Variants in COL6A2 observed in about 807,000 individuals in gnomAD.
COL6A2 encodes the protein collagen alpha-2(VI) chain.
A neutral mutation model predicts 124.9 loss-of-function variants in COL6A2; 90 were observed. The ratio of observed to expected loss-of-function variants is 0.72; its 90% confidence interval spans 0.61 to 0.86. The LOEUF (loss-of-function observed/expected upper bound fraction) is 0.86. Ranked by LOEUF, COL6A2 falls within the 40% of genes least tolerant of loss-of-function variation. COL6A2 has a pLI of 0.00. For missense variants in COL6A2, 1,607 were observed against 1,502.5 expected, an observed-to-expected ratio of 1.07 and a Z score of -1.15; for synonymous variants, 793 against 618.2, an observed-to-expected ratio of 1.28 and a Z score of -4.19.
chr21:46,100,790 C>G (rs115473286), intron 1 of COL6A2, among the ~76,000 whole-genome samples: 192 of 152,336 alleles, frequency 1.3e-3, no homozygotes, highest in African/African-American at 4.4e-3. Flanking sequence ...ATTTTGTTTA[C>G]CCATTCGTCT....
rs535016961 is a variant in COL6A2, at chr21:46,124,792, C to T, written c.1734+79C>T. On this transcript the variant is annotated intron_variant, in intron 22 of 27. Coordinates refer to ENST00000300527, the MANE Select transcript of COL6A2 (RefSeq NM_001849.4). ...CACCCAAGCCTCGTGGTTCTGCCCA[C>T]GGTGGACCCACGTATCAGTGGGCAG... 5.1e-5 allele frequency: 82 copies of T among 1,598,170 alleles called. 1 individual carries two copies. Among genetic ancestry groups the T allele is most frequent in the African/African-American group, 1.3e-4 (10 of 74,738 alleles).
chr21:46,105,616 G>A (rs1281625948), intron 1 of COL6A2, among the ~76,000 whole-genome samples: 1 of 152,114 alleles, frequency 6.6e-6, no homozygotes, highest in Admixed American at 6.5e-5. Flanking sequence ...GCAGAGTTTT[G>A]TTTATGCCAT....
rs3088026 is a variant in COL6A2, at chr21:46,129,699, C to T, written c.2462-2255C>T. ...CCTTGCTGCGGCTGCATCTTCCAGT[C>T]TCTCCTCCGTCTTCCTGTGGCCGCT... On this transcript the variant is annotated intron_variant, in intron 27 of 27. Transcript: ENST00000300527. 119,281 of 1,414,880 alleles carry T rather than the reference C, an allele frequency of 0.084. 5,225 individuals carry two copies. Among genetic ancestry groups the T allele is most frequent in the African/African-American group, 0.088 (6,139 of 69,534 alleles). The allele number at this position is 1,414,880 out of a possible 1,614,324, so 87.6% of individuals were successfully genotyped here. A position where few individuals can be genotyped will look rare whatever the true frequency, so the allele number is the denominator to read the frequency against.
chr21:46,120,846 C>G (rs1057210411), intron 16 of COL6A2, among the ~76,000 whole-genome samples: 1 of 152,162 alleles, frequency 6.6e-6, no homozygotes, highest in East Asian at 1.9e-4. Context: ...GATAGGGGTG[C>G]TTAGGCAGGG....
chr21:46,131,661 G>A (rs1050261694), intron 27 of COL6A2, among the ~76,000 whole-genome samples: 3 of 152,184 alleles, frequency 2.0e-5, no homozygotes, highest in East Asian at 1.9e-4. Context: ...CTCCCAGGAG[G>A]GCAGCCTGTG....
At chr21:46,117,376 T>C in intron 10 of COL6A2, 24 bp from the exon 11 acceptor site, 1 of 1,611,364 alleles carries the variant, frequency 6.2e-7, no homozygotes, top group South Asian at 1.1e-5. Context: ...GCCCTGAGAC[T>C]CCTCCTGCCC....
In COL6A2 at chr21:46,116,058, G is replaced by A. The variant is rs962641062; in HGVS notation, c.900+5G>A. ...ATTGGATTCCCAGGACCCAAGGTGA[G>A]TGACCTCGGCCAGGGGCTTGGCTCC... is the stretch of plus-strand genomic sequence containing the variant. On this transcript the variant is annotated splice_donor_5th_base_variant and intron_variant, in intron 7 of 27. Transcript: ENST00000300527. The surrounding 1 kb of genome is among the most constrained non-coding windows in gnomAD (Gnocchi z 4.6). The A allele has an allele frequency of 1.9e-6, 3 of 1,579,710 alleles. No homozygotes were observed. Among genetic ancestry groups the A allele is most frequent in the African/African-American group, 1.4e-5 (1 of 73,868 alleles).
At chr21:46,124,992 G>A in intron 23 of COL6A2, 72 bp downstream of exon 23, 1 of 1,571,046 alleles carries the variant, frequency 6.4e-7, no homozygotes, top group Non-Finnish European at 8.8e-7. Flanking sequence ...GCAGGGGTGG[G>A]GGAAGGTCAG....
At chr21:46,119,000 G>A (rs2078519471) in intron 13 of COL6A2, 30 bp from the exon 14 acceptor site, 1 of 1,535,716 alleles carries the variant, frequency 6.5e-7, no homozygotes, top group South Asian at 1.1e-5. Context: ...CCCTGCCTCT[G>A]GGTGACTGTG....
Position 46,118,689 on chromosome 21 carries a change from G to T in COL6A2, c.1179+13G>T, listed in dbSNP as rs771262396. On this transcript the variant is annotated intron_variant, in intron 13 of 27. Coordinates refer to ENST00000300527, the MANE Select transcript of COL6A2 (RefSeq NM_001849.4). ...CAAGGGAAGCAAGGTGAGCCCCTCT[G>T]CCTCTTCGCCTGCAGCTGAGCTGGC... 1 of 1,605,840 alleles carries T rather than the reference G, an allele frequency of 6.2e-7. No homozygotes were observed. The highest frequency in any genetic ancestry group is 8.5e-7 in the Non-Finnish European group (1 of 1,177,346).
chr21:46,113,837 T>A (rs1568927460), intron 4 of COL6A2, 171 bp from the exon 5 acceptor site: 28 of 690,128 alleles, frequency 4.1e-5, no homozygotes, highest in Non-Finnish European at 4.5e-5. Flanking sequence ...GGGCAGAGCC[T>A]CACAGCACCC....
rs1555876005 is a variant in COL6A2, at chr21:46,126,485, C to CCGGCCCGGCCCGG, written c.2423-18_2423-17insCGGCCCGGCCCGG. The stretch of plus-strand genomic sequence containing the variant: ...GGGACTGACCCTGGCCTGGCCCGGC[C>CCGGCCCGGCCCGG]TCTCTCCTCTCTTCCAGACCCTCAG... On this transcript the variant is annotated splice_polypyrimidine_tract_variant and intron_variant, in intron 26 of 27. Transcript: ENST00000300527. The CCGGCCCGGCCCGG allele has an allele frequency of 6.2e-7, 1 of 1,613,092 alleles. No individual in the cohort carries two copies.
chr21:46,120,774 T>C (rs994888675), intron 16 of COL6A2, among the ~76,000 whole-genome samples, 197 bp downstream of exon 16: 1 of 151,122 alleles, frequency 6.6e-6, no homozygotes, highest in African/African-American at 2.4e-5. Flanking sequence ...CACCCCAAGG[T>C]AAGGGACCAA....
chr21:46,119,101 C>T lies in COL6A2; in HGVS notation c.1251C>T (p.Arg417=), dbSNP rs61735827. ...GAGCCAAGGGCGGGCCTGGGCCCCG[C>T]GGACCCAAAGGCGAGCCGGTGAGTC... The part of the protein sequence containing the change: ...VKGAKGGPGP[R]GPKGEPGRRG... The change falls in exon 14 of 28, where the codon CGC becomes CGT. Residue 417 remains arginine (R), a synonymous_variant. Coordinates refer to ENST00000300527, the MANE Select transcript of COL6A2 (RefSeq NM_001849.4). 1.2e-3 allele frequency: 1,950 copies of T among 1,611,942 alleles called. 14 individuals are homozygous for T. The highest frequency in any genetic ancestry group is 4.4e-3 in the Middle Eastern group (26 of 5,956).
intron 1 of COL6A2, among the ~76,000 whole-genome samples, chr21:46,109,053 C>A (rs1485050517): frequency 6.6e-6 from 1 of 152,158 alleles, no homozygotes; most frequent in Non-Finnish European, 1.5e-5. Flanking sequence ...AGAGAGAAGG[C>A]CCTGGAGTGG....
At chr21:46,114,912 C>G (rs1364915163) in intron 5 of COL6A2, among the ~76,000 whole-genome samples, 2 of 152,240 alleles carry the variant, frequency 1.3e-5, no homozygotes. Flanking sequence ...AATTGACCAT[C>G]ATAGAGGATG....
chr21:46,127,305 C>G (rs1462294725), intron 27 of COL6A2, among the ~76,000 whole-genome samples: 1 of 152,140 alleles, frequency 6.6e-6, no homozygotes, highest in Non-Finnish European at 1.5e-5. Flanking sequence ...GAAGTCAGCG[C>G]TTCCTCAGCA....
chr21:46,131,753 C>G (rs1016287968), intron 27 of COL6A2, among the ~76,000 whole-genome samples: 1 of 152,296 alleles, frequency 6.6e-6, no homozygotes, highest in South Asian at 2.1e-4. Flanking sequence ...GAGGAGATGG[C>G]GGCTCCCAGC....
At chr21:46,129,712 T>G in intron 27 of COL6A2, 1 of 1,408,592 alleles carries the variant, frequency 7.1e-7, no homozygotes, top group Non-Finnish European at 9.2e-7. Flanking sequence ...TCCTCCGTCT[T>G]CCTGTGGCCG....
Sources: gnomAD v4.1 joint callset for allele counts (sites outside exome capture counted in the v4.1 genomes callset) on GRCh38, gnomAD v4.1.1 for gene constraint, Gnocchi (gnomAD v3.1) non-coding constraint, MANE v1.5 for transcripts, NCBI Gene and HGNC (gene_info 2026-07-23, HGNC 2026-07-21) for gene names.